PGM5: variants seen among roughly 807,000 people sequenced by gnomAD.
The protein encoded by PGM5 is phosphoglucomutase-like protein 5.
PGM5 carries 23 observed loss-of-function variants against 59.2 expected under a neutral mutation model. The observed-to-expected ratio is 0.39, with a 90% CI of 0.28 to 0.55. PGM5 has a LOEUF of 0.55. PGM5 is among the 20% of genes least tolerant of loss of function. The probability of loss-of-function intolerance (pLI) is 0.66; values close to 1 mark genes in which losing one functional copy is unlikely to be tolerated. For missense variants in PGM5, 574 were observed against 748.3 expected (o/e 0.77, Z 2.72); for synonymous variants, 214 against 286.0 (o/e 0.75, Z 2.54).
At chr9:68,516,220 A>G (rs1245129323) in intron 10 of PGM5, among the ~76,000 whole-genome samples, 2 of 152,260 alleles carry the variant, frequency 1.3e-5, no homozygotes, top group African/African-American at 4.8e-5. Flanking sequence ...TCACCCACCT[A>G]TAAAAAGTAA....
intron 6 of PGM5, among the ~76,000 whole-genome samples, chr9:68,430,624 A>G (rs1257536961): frequency 6.6e-6 from 1 of 152,254 alleles, no homozygotes; most frequent in African/African-American, 2.4e-5. Context: ...GTTTCTCTGG[A>G]TACCGTTTCT....
Position 68,527,126 on chromosome 9 carries a change from C to T in PGM5, c.1615-2441C>T, listed in dbSNP as rs550188691. 4.6e-5 allele frequency among the ~76,000 whole-genome samples: 7 copies of T among 152,292 alleles called. No individual in the cohort carries two copies. The South Asian group carries it at 1.2e-3, about 27-fold the overall frequency. On this transcript the variant is annotated intron_variant, in intron 10 of 10. Coordinates refer to ENST00000396396, the MANE Select transcript of PGM5 (RefSeq NM_021965.4). ...GTTAAGTGGAGATCAGAAAAGAGAA[C>T]TTCTCTGGTGTTTACAGTATTTGTT...
intron 6 of PGM5, among the ~76,000 whole-genome samples, chr9:68,425,220 A>G (rs1823214378): frequency 6.6e-6 from 1 of 152,214 alleles, no homozygotes; most frequent in Non-Finnish European, 1.5e-5. Flanking sequence ...GAGTGAGGAA[A>G]AAAAGAGCAA....
At chr9:68,457,031 GTCT>G (rs1477326546) in intron 6 of PGM5, among the ~76,000 whole-genome samples, 6 of 152,020 alleles carry the variant, frequency 3.9e-5, no homozygotes, top group Admixed American at 6.6e-5. Flanking sequence ...TGGCCAATCA[GTCT>G]TCTTCTTCTG....
chr9:68,429,575 T>C (rs963383655), intron 6 of PGM5, among the ~76,000 whole-genome samples: 1 of 151,642 alleles, frequency 6.6e-6, no homozygotes, highest in Admixed American at 6.6e-5. Context: ...CACCTGACCA[T>C]GGTCTTTGTC....
At chr9:68,438,056 G>A (rs1460103259) in intron 6 of PGM5, among the ~76,000 whole-genome samples, 2 of 152,142 alleles carry the variant, frequency 1.3e-5, no homozygotes, top group Non-Finnish European at 2.9e-5. Flanking sequence ...GGGAGGCTGA[G>A]GTGGGTGGAT....
intron 7 of PGM5, among the ~76,000 whole-genome samples, chr9:68,465,563 C>T (rs1034386183): frequency 1.3e-5 from 2 of 152,128 alleles, no homozygotes; most frequent in African/African-American, 4.8e-5. Flanking sequence ...GGGAACACTC[C>T]TCCCTGATTA....
intron 8 of PGM5, among the ~76,000 whole-genome samples, chr9:68,480,488 T>C: frequency 6.6e-6 from 1 of 152,160 alleles, no homozygotes; most frequent in East Asian, 1.9e-4. Flanking sequence ...GCGGATCACC[T>C]GAGGTCAGGA....
At chr9:68,445,526 C>A (rs1179597752) in intron 6 of PGM5, among the ~76,000 whole-genome samples, 2 of 152,172 alleles carry the variant, frequency 1.3e-5, no homozygotes, top group Non-Finnish European at 2.9e-5. Flanking sequence ...CCAGGGTAGC[C>A]AGGGGCTCCA....
chr9:68,407,582 GA>G (rs1822846211), intron 6 of PGM5, among the ~76,000 whole-genome samples: 1 of 152,098 alleles, frequency 6.6e-6, no homozygotes. Context: ...GGAAAATACA[GA>G]GTTTCTTTTA....
In PGM5 at chr9:68,386,005, A is replaced by G. The variant is rs558160389; in HGVS notation, c.572-1458A>G. Among the ~76,000 whole-genome samples, 901 of 151,706 alleles carry G rather than the reference A, an allele frequency of 5.9e-3. 8 individuals carry two copies. Among genetic ancestry groups the G allele is most frequent in the African/African-American group, 0.02 (841 of 41,362 alleles). On this transcript the variant is annotated intron_variant, in intron 3 of 10. Coordinates refer to ENST00000396396, the MANE Select transcript of PGM5 (RefSeq NM_021965.4). ...CTTTGCATTTCACTTTAAAGTGTCA[A>G]GAGCATGAACTATATGATGTGAACT...
chr9:68,442,352 T>C (rs1392221976), intron 6 of PGM5, among the ~76,000 whole-genome samples: 1 of 152,208 alleles, frequency 6.6e-6, no homozygotes, highest in African/African-American at 2.4e-5. Flanking sequence ...TGGCACCGTG[T>C]TGGATCACTG....
At chr9:68,444,737 G>A (rs1823584377) in intron 6 of PGM5, among the ~76,000 whole-genome samples, 1 of 152,170 alleles carries the variant, frequency 6.6e-6, no homozygotes. Context: ...AGCAGGGGTT[G>A]GGTATTTGAA....
chr9:68,457,289 A>T (rs117007431), intron 6 of PGM5, among the ~76,000 whole-genome samples: 584 of 152,290 alleles, frequency 3.8e-3, no homozygotes, highest in Middle Eastern at 0.014. Context: ...TTCCCCCCTC[A>T]TAGAACATGG....
chr9:68,440,930 T>A (rs1173134384), intron 6 of PGM5, among the ~76,000 whole-genome samples: 1 of 151,890 alleles, frequency 6.6e-6, no homozygotes, highest in African/African-American at 2.4e-5. Context: ...CCAACAAAGA[T>A]GAAAAGAGAG....
chr9:68,483,476 A>G (rs1363620025), intron 8 of PGM5, among the ~76,000 whole-genome samples: 10 of 152,196 alleles, frequency 6.6e-5, no homozygotes, highest in Non-Finnish European at 1.2e-4. Flanking sequence ...TGCAATGTCA[A>G]TGCACACTGG....
At chr9:68,419,349 GC>G (rs1372768477) in intron 6 of PGM5, among the ~76,000 whole-genome samples, 14 of 152,076 alleles carry the variant, frequency 9.2e-5, no homozygotes, top group Admixed American at 5.9e-4. Context: ...GGGCAAAACA[GC>G]AAAACACAAA....
chr9:68,378,286 A>G lies in PGM5; in HGVS notation c.349A>G (p.Ile117Val). The change falls in exon 2 of 11, where the codon ATC becomes GTC. Residue 117 changes from isoleucine to valine, a missense_variant. Transcript: ENST00000396396. ...IIRKIKAAGGIILTASHCPGG... is the reference protein window; with the variant it reads ...IIRKIKAAGGVILTASHCPGG... The stretch of plus-strand genomic sequence containing the variant: ...CAGGAAGATCAAGGCAGCTGGTGGA[A>G]TCATTCTAACAGCCAGCCACTGCCC... The G allele has an allele frequency of 6.2e-7, 1 of 1,600,994 alleles. No individual in the cohort carries two copies. Among genetic ancestry groups the G allele is most frequent in the Non-Finnish European group, 8.5e-7 (1 of 1,174,930 alleles).
chr9:68,455,370 C>T (rs188573276), intron 6 of PGM5, among the ~76,000 whole-genome samples: 12 of 152,232 alleles, frequency 7.9e-5, no homozygotes, highest in African/African-American at 2.6e-4. Context: ...AACAGGAACT[C>T]CCTAAAGAGA....
Sources: allele counts gnomAD v4.1 joint callset (sites outside exome capture counted in the v4.1 genomes callset), GRCh38; gene constraint gnomAD v4.1.1; transcripts MANE v1.5; gene names NCBI Gene and HGNC (gene_info 2026-07-23, HGNC 2026-07-21).